Variants in MARCHF1 observed in about 807,000 individuals in gnomAD.
MARCHF1 encodes the protein membrane associated ring-CH-type finger 1.
MARCHF1 carries 40 observed loss-of-function variants against 54.2 expected under a neutral mutation model. That is an observed-to-expected ratio of 0.74 (90% CI 0.57 to 0.96). The LOEUF (loss-of-function observed/expected upper bound fraction) is 0.96. MARCHF1 is among the 40% of genes least tolerant of loss of function. The pLI is 0.00. For synonymous variants in MARCHF1, 236 were observed against 236.3 expected (o/e 1.00, Z 0.01); for missense variants, 586 against 656.5 (o/e 0.89, Z 1.17).
chr4:164,034,447 TCAACCCAGTAATCCCACTA>T (rs1449476339), intron 2 of MARCHF1, among the ~76,000 whole-genome samples: 12 of 152,188 alleles, frequency 7.9e-5, no homozygotes, highest in Non-Finnish European at 2.9e-5. Flanking sequence ...TAACTACCAT[TCAACCCAGTAATCCCACTA>T]CTAGGTATGT....
chr4:163,865,598 T>G (rs1750030069), intron 3 of MARCHF1, among the ~76,000 whole-genome samples: 1 of 151,876 alleles, frequency 6.6e-6, no homozygotes. Context: ...TCAAGAAAAT[T>G]GCATCACTCA....
At chr4:163,781,844 C>A (rs911097251) in intron 4 of MARCHF1, among the ~76,000 whole-genome samples, 3 of 152,142 alleles carry the variant, frequency 2.0e-5, no homozygotes. Flanking sequence ...GTGAGTTTTG[C>A]CTACTTGGGT....
chr4:163,613,178 G>GA (rs1415831576), intron 6 of MARCHF1, 136 bp downstream of exon 6: 144 of 1,234,666 alleles, frequency 1.2e-4, no homozygotes, highest in Non-Finnish European at 1.4e-4. Context: ...TGAACTAAAT[G>GA]AAAAAAAATA....
intron 1 of MARCHF1, among the ~76,000 whole-genome samples, chr4:164,211,575 A>C (rs1433393160): frequency 6.6e-6 from 1 of 152,060 alleles, no homozygotes; most frequent in Admixed American, 6.6e-5. Flanking sequence ...AATTGTATCC[A>C]TTCATTCAAC....
chr4:163,868,939 CAT>C (rs567152457), intron 3 of MARCHF1, among the ~76,000 whole-genome samples: 8 of 151,870 alleles, frequency 5.3e-5, no homozygotes, highest in South Asian at 2.1e-4. Context: ...TAACATGACA[CAT>C]GTTTTCCTGC....
At chr4:163,871,735 CTTA>C (rs975764530) in intron 3 of MARCHF1, among the ~76,000 whole-genome samples, 10 of 152,072 alleles carry the variant, frequency 6.6e-5, no homozygotes, top group African/African-American at 1.9e-4. Flanking sequence ...AAATCATATG[CTTA>C]TTATTTTATT....
intron 1 of MARCHF1, among the ~76,000 whole-genome samples, chr4:164,250,184 T>G (rs1258225262): frequency 6.6e-6 from 1 of 152,024 alleles, no homozygotes; most frequent in African/African-American, 2.4e-5. Flanking sequence ...CAAGATAGAT[T>G]TGGGGTGAGT....
intron 1 of MARCHF1, among the ~76,000 whole-genome samples, chr4:164,343,059 C>T (rs1057474270): frequency 2.0e-5 from 3 of 152,014 alleles, no homozygotes; most frequent in East Asian, 1.9e-4. Context: ...GGAGATCTAA[C>T]GTACAGCTTG....
rs1738070678 is a variant in MARCHF1 at position 163,525,484 on chromosome 4, TTTTTA to T, written c.*3259_*3263del. On this transcript the variant is annotated 3_prime_UTR_variant, in exon 10 of 10. Coordinates refer to ENST00000514618, the MANE Select transcript of MARCHF1 (RefSeq NM_001394959.1). ...CTCACTTTAGTTTAGATTTTGTTCA[TTTTTA>T]TTTTGTTTTTGTACTTAAGCTTAAT... The T allele has an allele frequency of 6.6e-6, 1 of 152,166 alleles. No homozygotes were observed. The highest frequency in any genetic ancestry group is 1.5e-5 in the Non-Finnish European group (1 of 68,012). The allele number at this position is 152,166 out of a possible 1,614,324, so 9.4% of individuals were successfully genotyped here. A position where few individuals can be genotyped will look rare whatever the true frequency, so the allele number is the denominator to read the frequency against.
intron 4 of MARCHF1, among the ~76,000 whole-genome samples, chr4:163,768,423 A>G (rs1227710015): frequency 6.6e-6 from 1 of 152,230 alleles, no homozygotes; most frequent in South Asian, 2.1e-4. Context: ...AGTTATGAGC[A>G]TATTAAAAAT....
chr4:164,295,642 A>T (rs535822779), intron 1 of MARCHF1, among the ~76,000 whole-genome samples: 117 of 152,322 alleles, frequency 7.7e-4, no homozygotes, highest in Non-Finnish European at 1.6e-3. Context: ...ATAGGCTTCA[A>T]ATTTTTAAGC....
At chr4:164,373,562 C>A (rs1731100259) in intron 1 of MARCHF1, among the ~76,000 whole-genome samples, 1 of 151,774 alleles carries the variant, frequency 6.6e-6, no homozygotes, top group South Asian at 2.1e-4. Context: ...ACCATGTTGG[C>A]CAGGCTGGTC....
intron 2 of MARCHF1, among the ~76,000 whole-genome samples, chr4:164,047,320 A>T (rs10026361): frequency 0.25 from 38,311 of 151,908 alleles, 6,466 homozygotes; most frequent in East Asian, 0.48. Flanking sequence ...TCCTACAATC[A>T]TGTGACTGGG....
chr4:163,670,956 G>A (rs1348756147), intron 5 of MARCHF1, among the ~76,000 whole-genome samples: 3 of 152,120 alleles, frequency 2.0e-5, no homozygotes, highest in Admixed American at 6.6e-5. Context: ...AGGATAGCTA[G>A]GCTGACCTAG....
At chr4:164,309,213 T>C (rs1385345813) in intron 1 of MARCHF1, among the ~76,000 whole-genome samples, 2 of 136,044 alleles carry the variant, frequency 1.5e-5, no homozygotes, top group African/African-American at 2.8e-5. Flanking sequence ...AAAAAGGCAT[T>C]ATAACTCCAG....
Position 163,528,663 on chromosome 4 carries a change from AAAT to A in MARCHF1, c.*82_*84del. 7.3e-7 allele frequency: 1 copy of A among 1,364,284 alleles called. No individual in the cohort carries two copies. Among genetic ancestry groups the A allele is most frequent in the East Asian group, 2.3e-5 (1 of 43,212 alleles). The allele number at this position is 1,364,284 out of a possible 1,614,324, so 84.5% of individuals were successfully genotyped here. A position where few individuals can be genotyped will look rare whatever the true frequency, so the allele number is the denominator to read the frequency against. ...GGAGAAAGGAGGAGCTGAAGGGAGT[AAAT>A]AATTCAAGATCACTTCTGTCATTTG... is the stretch of plus-strand genomic sequence containing the variant. On this transcript the variant is annotated 3_prime_UTR_variant, in exon 10 of 10. Coordinates refer to ENST00000514618, the MANE Select transcript of MARCHF1 (RefSeq NM_001394959.1).
intron 4 of MARCHF1, among the ~76,000 whole-genome samples, chr4:163,809,096 C>G (rs1748311875): frequency 6.6e-6 from 1 of 152,158 alleles, no homozygotes; most frequent in South Asian, 2.1e-4. Context: ...TCCACCTTTC[C>G]ACTCTTATTT....
At chr4:163,957,320 A>T (rs1244556681) in intron 3 of MARCHF1, among the ~76,000 whole-genome samples, 1 of 152,062 alleles carries the variant, frequency 6.6e-6, no homozygotes, top group Non-Finnish European at 1.5e-5. Flanking sequence ...CAGTAGTTCT[A>T]AAGTTTCTTA....
intron 1 of MARCHF1, among the ~76,000 whole-genome samples, chr4:164,246,535 G>A (rs566882762): frequency 4.3e-5 from 2 of 46,330 alleles, no homozygotes; most frequent in African/African-American, 1.1e-4. Flanking sequence ...CAGGACATAG[G>A]CATGGGCAAG....
Sources: gnomAD v4.1 joint callset for allele counts (sites outside exome capture counted in the v4.1 genomes callset) on GRCh38, gnomAD v4.1.1 for gene constraint, MANE v1.5 for transcripts, NCBI Gene and HGNC (gene_info 2026-07-23, HGNC 2026-07-21) for gene names.